The following ATOSA variants were observed in gnomAD, a reference collection of about 807,000 sequenced individuals.
ATOSA encodes the protein atos homolog protein A.
the ATOSA span, among the ~76,000 whole-genome samples, chr15:52,595,884 T>C: frequency 6.7e-6 from 1 of 148,516 alleles, no homozygotes; most frequent in East Asian, 2.3e-4. Flanking sequence ...CTGAGGTGAG[T>C]AGACTGCTTG....
the ATOSA span, among the ~76,000 whole-genome samples, chr15:52,707,911 G>T: frequency 1.3e-5 from 2 of 152,088 alleles, no homozygotes; most frequent in Non-Finnish European, 1.5e-5. Flanking sequence ...CCTTTCCTAC[G>T]TGAGCCCCTG....
the ATOSA span, among the ~76,000 whole-genome samples, chr15:52,620,004 A>G: frequency 6.6e-6 from 1 of 152,190 alleles, no homozygotes; most frequent in African/African-American, 2.4e-5. Context: ...TAAGACCTCA[A>G]TGAGGATTGT....
At chr15:52,613,521 A>C in the ATOSA span, among the ~76,000 whole-genome samples, 1 of 152,244 alleles carries the variant, frequency 6.6e-6, no homozygotes, top group Non-Finnish European at 1.5e-5. Flanking sequence ...CAAGGTTATT[A>C]GCTATGGTCC....
At chr15:52,652,010 C>A in the ATOSA span, 1 of 1,519,946 alleles carries the variant, frequency 6.6e-7, no homozygotes. Flanking sequence ...AAATGTTCAG[C>A]GTTGGGTGCT....
chr15:52,656,560 C>T, the ATOSA span: 1 of 152,004 alleles, frequency 6.6e-6, no homozygotes, highest in African/African-American at 2.4e-5. Context: ...GTTATGATGA[C>T]CTAGATTAGT....
the ATOSA span, among the ~76,000 whole-genome samples, chr15:52,613,406 A>T: frequency 4.6e-5 from 7 of 152,192 alleles, no homozygotes; most frequent in Non-Finnish European, 1.0e-4. Context: ...CAGCAGAGAT[A>T]GTCTTAAATC....
chr15:52,607,134 T>G, the ATOSA span, among the ~76,000 whole-genome samples: 1 of 152,160 alleles, frequency 6.6e-6, no homozygotes. Flanking sequence ...GGAAACAGGT[T>G]TTTATAAGTA....
At chr15:52,686,081 T>C in the ATOSA span, among the ~76,000 whole-genome samples, 5 of 152,280 alleles carry the variant, frequency 3.3e-5, no homozygotes, top group South Asian at 2.1e-4. Flanking sequence ...TATTAGAGGG[T>C]CACACACAGA....
At chr15:52,608,757 T>C in the ATOSA span, 7 of 1,608,652 alleles carry the variant, frequency 4.4e-6, no homozygotes, top group South Asian at 3.4e-5. Context: ...TGCTATTAAG[T>C]TGAGTATTTT....
the ATOSA span, among the ~76,000 whole-genome samples, chr15:52,677,588 G>A: frequency 4.4e-4 from 67 of 152,154 alleles, no homozygotes; most frequent in African/African-American, 1.5e-3. Context: ...TAAAATAACA[G>A]TTGTCAACTC....
chr15:52,679,784 TC>T, the ATOSA span, among the ~76,000 whole-genome samples: 1 of 44,088 alleles, frequency 2.3e-5, no homozygotes, highest in Non-Finnish European at 4.4e-5. Flanking sequence ...CTCCTCCTCC[TC>T]CTCCTCCTCC....
the ATOSA span, among the ~76,000 whole-genome samples, chr15:52,654,973 A>T: frequency 6.6e-6 from 1 of 151,972 alleles, no homozygotes; most frequent in African/African-American, 2.4e-5. Flanking sequence ...GCCACTACCT[A>T]CTGGCCCATG....
the ATOSA span, among the ~76,000 whole-genome samples, chr15:52,687,729 T>G: frequency 1.3e-5 from 2 of 151,214 alleles, no homozygotes; most frequent in Non-Finnish European, 3.0e-5. Context: ...TAGAGAGAGG[T>G]TTTTTTTTGT....
At chr15:52,624,581 T>C in the ATOSA span, among the ~76,000 whole-genome samples, 1 of 152,162 alleles carries the variant, frequency 6.6e-6, no homozygotes, top group Non-Finnish European at 1.5e-5. Context: ...AAAGGACAGA[T>C]CAATGCAAAT....
the ATOSA span, among the ~76,000 whole-genome samples, chr15:52,626,023 CTA>C: frequency 1.3e-5 from 2 of 152,188 alleles, no homozygotes; most frequent in Admixed American, 1.3e-4. Context: ...GAGTTATTAT[CTA>C]TGTAACTTTT....
At chr15:52,708,394 G>A in the ATOSA span, among the ~76,000 whole-genome samples, 1 of 152,100 alleles carries the variant, frequency 6.6e-6, no homozygotes, top group East Asian at 1.9e-4. Flanking sequence ...TGGGATCATC[G>A]TGATTAAACT....
the ATOSA span, among the ~76,000 whole-genome samples, chr15:52,632,029 A>G: frequency 6.6e-6 from 1 of 152,162 alleles, no homozygotes. Flanking sequence ...GTGTAGGCTG[A>G]CAGTGCTGGG....
At chr15:52,644,238 A>T in the ATOSA span, among the ~76,000 whole-genome samples, 11 of 152,070 alleles carry the variant, frequency 7.2e-5, no homozygotes, top group Non-Finnish European at 1.5e-4. Context: ...TTTCTAACTT[A>T]ATTTCTATTC....
chr15:52,656,687 T>C, the ATOSA span: 147 of 152,186 alleles, frequency 9.7e-4, no homozygotes, highest in African/African-American at 3.5e-3. Flanking sequence ...TGGGGGTTAT[T>C]TATAAGCTAA....
Sources: gnomAD v4.1 joint callset for allele counts (sites outside exome capture counted in the v4.1 genomes callset) on GRCh38, gnomAD v4.1.1 for gene constraint, MANE v1.5 for transcripts, NCBI Gene and HGNC (gene_info 2026-07-23, HGNC 2026-07-21) for gene names.